Variants in RAI1 observed in about 807,000 individuals in gnomAD.
The protein encoded by RAI1 is retinoic acid-induced protein 1.
A neutral mutation model predicts 123.8 loss-of-function variants in RAI1; 9 were observed. The observed-to-expected ratio is 0.07, with a 90% CI of 0.04 to 0.13. The LOEUF (loss-of-function observed/expected upper bound fraction) is 0.13, where lower values mean the gene tolerates loss of function less well. RAI1 is among the 10% of genes least tolerant of loss of function. The pLI is 1.00. For synonymous variants in RAI1, 1,231 were observed against 1,127.3 expected (o/e 1.09, Z -1.84); for missense variants, 2,256 against 2,545.8 (o/e 0.89, Z 2.45).
At position 17,797,499 on chromosome 17, in the gene RAI1, G is replaced by A; in HGVS notation, c.4551G>A (p.Gln1517=). The part of the protein sequence containing the change: ...ASQPPEGRPC[Q]PQTRAQKQPG... ...AGCCCCCGGAGGGCAGGCCCTGCCA[G>A]CCCCAGACAAGGGCACAGAAACAGC... The change falls in exon 3 of 6, where the codon CAG becomes CAA. Residue 1517 remains glutamine (Q), a synonymous_variant. Transcript: ENST00000353383. The A allele has an allele frequency of 6.2e-7, 1 of 1,613,402 alleles. No individual in the cohort carries two copies. The highest frequency in any genetic ancestry group is 8.5e-7 in the Non-Finnish European group (1 of 1,179,770).
intron 1 of RAI1, among the ~76,000 whole-genome samples, chr17:17,711,180 G>C (rs1383132393): frequency 6.6e-6 from 1 of 152,232 alleles, no homozygotes; most frequent in Non-Finnish European, 1.5e-5. Context: ...CTGCATGCAG[G>C]TGGGGCGACT....
At chr17:17,707,335 G>T (rs750206888) in intron 1 of RAI1, among the ~76,000 whole-genome samples, 6 of 152,184 alleles carry the variant, frequency 3.9e-5, no homozygotes, top group Non-Finnish European at 5.9e-5. Flanking sequence ...AAAAAAGTAG[G>T]TGGGGAAGGG....
intron 2 of RAI1, among the ~76,000 whole-genome samples, chr17:17,749,919 G>A (rs1266417273): frequency 1.3e-5 from 2 of 152,242 alleles, no homozygotes; most frequent in Non-Finnish European, 2.9e-5. Context: ...GCCTGTACTA[G>A]TTAGGGTAAG....
intron 2 of RAI1, among the ~76,000 whole-genome samples, chr17:17,750,191 AG>A (rs1210454808): frequency 6.6e-6 from 1 of 152,254 alleles, no homozygotes; most frequent in African/African-American, 2.4e-5. Flanking sequence ...TGTGGCTCCA[AG>A]GACGGAGAAC....
At chr17:17,733,223 G>A (rs1254298662) in intron 2 of RAI1, among the ~76,000 whole-genome samples, 1 of 152,162 alleles carries the variant, frequency 6.6e-6, no homozygotes, top group African/African-American at 2.4e-5. Flanking sequence ...TATCTTTGAA[G>A]CTCATCTAGT....
chr17:17,789,813 G>T (rs2031948831), intron 2 of RAI1, among the ~76,000 whole-genome samples: 1 of 152,206 alleles, frequency 6.6e-6, no homozygotes, highest in African/African-American at 2.4e-5. Flanking sequence ...GCAGGTTGGG[G>T]AGAAACGGAT....
chr17:17,787,666 C>T (rs1249044092), intron 2 of RAI1, among the ~76,000 whole-genome samples: 6 of 152,190 alleles, frequency 3.9e-5, no homozygotes, highest in Non-Finnish European at 5.9e-5. Flanking sequence ...CCAGGTCTCC[C>T]GGCCTCTTGA....
intron 2 of RAI1, among the ~76,000 whole-genome samples, chr17:17,755,741 C>T (rs957020773): frequency 5.9e-5 from 9 of 152,166 alleles, no homozygotes; most frequent in Non-Finnish European, 1.3e-4. Flanking sequence ...TTGGCTGGGT[C>T]GCCCCAGGGC....
chr17:17,688,800 A>C (rs1248034043), intron 1 of RAI1, among the ~76,000 whole-genome samples: 1 of 151,500 alleles, frequency 6.6e-6, no homozygotes, highest in East Asian at 2.0e-4. Flanking sequence ...GGGTTTCACC[A>C]TGCTGGTCAG....
intron 2 of RAI1, among the ~76,000 whole-genome samples, chr17:17,765,580 G>A (rs746374603): frequency 6.6e-6 from 1 of 152,270 alleles, no homozygotes; most frequent in Non-Finnish European, 1.5e-5. Context: ...ACACAGGCAA[G>A]AATAGTTGTA....
chr17:17,774,984 A>G (rs1318936884), intron 2 of RAI1, among the ~76,000 whole-genome samples: 1 of 152,200 alleles, frequency 6.6e-6, no homozygotes, highest in Non-Finnish European at 1.5e-5. Context: ...CCTTCAGGGC[A>G]GAGTCTTGGG....
rs539740947 is a variant in RAI1, at chr17:17,743,149, C to T, written c.-17+18990C>T. ...GACTTACAGTCACATGCCAACATAC[C>T]CGGCTAATTTTTAATTTTTTGGTAG... On this transcript the variant is annotated intron_variant, in intron 2 of 5. Transcript: ENST00000353383. Among the ~76,000 whole-genome samples, 9 of 152,222 alleles carry T rather than the reference C, an allele frequency of 5.9e-5. No individual in the cohort carries two copies. The East Asian group carries it at 1.7e-3, about 29-fold the overall frequency.
At chr17:17,789,850 G>A (rs2031950229) in intron 2 of RAI1, among the ~76,000 whole-genome samples, 1 of 152,172 alleles carries the variant, frequency 6.6e-6, no homozygotes, top group South Asian at 2.1e-4. Flanking sequence ...GGACCGTCCG[G>A]GCAGTGTGGT....
chr17:17,686,993 C>T (rs1914664861), intron 1 of RAI1, among the ~76,000 whole-genome samples: 2 of 151,902 alleles, frequency 1.3e-5, no homozygotes, highest in Non-Finnish European at 2.9e-5. Flanking sequence ...CGGTTTCTTT[C>T]TTTTTTTTGA....
chr17:17,754,109 C>T (rs1310171525), intron 2 of RAI1, among the ~76,000 whole-genome samples: 6 of 151,838 alleles, frequency 4.0e-5, no homozygotes, highest in Non-Finnish European at 5.9e-5. Context: ...GAAATCGAGC[C>T]ACTGGCCAGC....
At chr17:17,703,469 G>A (rs1026806643) in intron 1 of RAI1, among the ~76,000 whole-genome samples, 1 of 152,222 alleles carries the variant, frequency 6.6e-6, no homozygotes, top group Non-Finnish European at 1.5e-5. Context: ...GTCGGGAGCA[G>A]GAGTTCTCCC....
chr17:17,684,554 C>T (rs759826158), intron 1 of RAI1: 15 of 151,698 alleles, frequency 9.9e-5, no homozygotes, highest in Admixed American at 6.6e-5. Flanking sequence ...GTGAAAAATG[C>T]AAATAAGCCA....
rs1240460489 is a variant in RAI1, at chr17:17,793,124, A to G, written c.176A>G (p.Tyr59Cys). 1 of 1,613,970 alleles carries G rather than the reference A, an allele frequency of 6.2e-7. No individual in the cohort carries two copies. Residue 59 changes from tyrosine (Y) to cysteine (C), a missense_variant, in exon 3 of 6, where the codon TAT (tyrosine) becomes TGT (cysteine). By Grantham distance (194) the Tyr-to-Cys change is radical. Around this residue, in one of 7 missense-constraint regions of RAI1, gnomAD observed 336 missense variants for 349.8 expected, o/e 0.96. Transcript: ENST00000353383. ...DYYNPQPYPS[Y>C]EGGAGTPSGT... Reference sequence around the variant, plus strand: ...TATAACCCGCAGCCTTACCCGAGCTATGAGGGTGGCGCTGGCACGCCCTCT... The same window carrying G: ...TATAACCCGCAGCCTTACCCGAGCTGTGAGGGTGGCGCTGGCACGCCCTCT...
chr17:17,803,767 C>T lies in RAI1; in HGVS notation c.5577C>T (p.Ser1859=), dbSNP rs1205835404. ...TTTCTCTTCATCAGATGTGTTCCAG[C>T]TGCCAAGAAGCCGGGGCCACCATTG... ...MKVAVDMMCS[S]CQEAGATIGC... The change falls in exon 4 of 6, where the codon AGC becomes AGT. Residue 1859 remains serine, a synonymous_variant. Coordinates refer to ENST00000353383, the MANE Select transcript of RAI1 (RefSeq NM_030665.4). The T allele has an allele frequency of 1.2e-6, 2 of 1,613,388 alleles. No homozygotes were observed. Among genetic ancestry groups the T allele is most frequent in the Non-Finnish European group, 1.7e-6 (2 of 1,179,868 alleles).
Sources: allele counts gnomAD v4.1 joint callset (sites outside exome capture counted in the v4.1 genomes callset), GRCh38; gene constraint gnomAD v4.1.1; regional missense constraint gnomAD v4.1.1; transcripts MANE v1.5; gene names NCBI Gene and HGNC (gene_info 2026-07-23, HGNC 2026-07-21).